The following C4orf51 variants were observed in gnomAD, a reference collection of about 807,000 sequenced individuals.
The protein encoded by C4orf51 is uncharacterized protein C4orf51.
In C4orf51, 25 loss-of-function variants were observed where a neutral mutation model predicts 25.2. The observed-to-expected ratio is 0.99, with a 90% CI of 0.72 to 1.39. The LOEUF (loss-of-function observed/expected upper bound fraction) is 1.39, where lower values mean the gene tolerates loss of function less well. Ranked by LOEUF, C4orf51 falls within the 40% of genes most tolerant of loss-of-function variation. C4orf51 has a pLI of 0.00. For missense variants in C4orf51, 252 were observed against 239.6 expected, an observed-to-expected ratio of 1.05 and a Z score of -0.34; for synonymous variants, 100 against 84.5, an observed-to-expected ratio of 1.18 and a Z score of -1.01.
chr4:145,695,493 G>A (rs1440771293), intron 1 of C4orf51, among the ~76,000 whole-genome samples: 3 of 152,064 alleles, frequency 2.0e-5, no homozygotes, highest in Non-Finnish European at 4.4e-5. Flanking sequence ...TTTGTCAGAT[G>A]CATAGCCTGC....
At chr4:145,701,402 G>A (rs1257370608) in intron 2 of C4orf51, among the ~76,000 whole-genome samples, 5 of 152,076 alleles carry the variant, frequency 3.3e-5, no homozygotes, top group African/African-American at 1.2e-4. Context: ...ACCAGGCCAA[G>A]GAATGCCTGC....
the C4orf51 span, among the ~76,000 whole-genome samples, chr4:145,776,301 T>A: frequency 6.6e-6 from 1 of 151,656 alleles, no homozygotes. Flanking sequence ...TACAAAAAAA[T>A]TTTTAAAAAA....
chr4:145,724,265 A>G (rs1731913231), intron 2 of C4orf51, among the ~76,000 whole-genome samples: 1 of 152,212 alleles, frequency 6.6e-6, no homozygotes, highest in African/African-American at 2.4e-5. Flanking sequence ...TTCACAGACC[A>G]TGGAACAATC....
intron 1 of C4orf51, among the ~76,000 whole-genome samples, chr4:145,681,170 T>C (rs571170674): frequency 6.6e-6 from 1 of 152,270 alleles, no homozygotes; most frequent in Admixed American, 6.5e-5. Context: ...TAAGTGGGGA[T>C]GTGGAAAAAT....
intron 1 of C4orf51, among the ~76,000 whole-genome samples, chr4:145,741,687 T>C (rs1304607206): frequency 1.3e-5 from 2 of 152,068 alleles, no homozygotes; most frequent in Non-Finnish European, 2.9e-5. Context: ...ACTTTCTTTT[T>C]TTCTTTTCTT....
intron 1 of C4orf51, among the ~76,000 whole-genome samples, chr4:145,745,197 A>G (rs1733304160): frequency 6.6e-6 from 1 of 152,158 alleles, no homozygotes; most frequent in Admixed American, 6.6e-5. Context: ...TCACCCAAGC[A>G]TGTATCCTTT....
At chr4:145,712,316 A>G (rs1431672548) in intron 2 of C4orf51, among the ~76,000 whole-genome samples, 2 of 152,256 alleles carry the variant, frequency 1.3e-5, no homozygotes, top group Non-Finnish European at 2.9e-5. Context: ...AAGACAGATG[A>G]AAAGCTCAGC....
At chr4:145,733,239 C>T (rs945711609), downstream of C4orf51, among the ~76,000 whole-genome samples, 8 of 152,094 alleles carry the variant, frequency 5.3e-5, no homozygotes, top group South Asian at 2.1e-4. Flanking sequence ...TCTTCCTCCA[C>T]GGCCCACCTC....
chr4:145,707,230 C>T (rs1351047858), intron 2 of C4orf51, among the ~76,000 whole-genome samples: 2 of 152,192 alleles, frequency 1.3e-5, no homozygotes, highest in East Asian at 1.9e-4. Context: ...TGAGCCACCG[C>T]GCCAGGCCCA....
At chr4:145,774,339 T>C (rs1226218061), downstream of C4orf51, among the ~76,000 whole-genome samples, 1 of 152,162 alleles carries the variant, frequency 6.6e-6, no homozygotes, top group Non-Finnish European at 1.5e-5. Context: ...GGAAACAGTA[T>C]TATGACTACA....
At position 145,765,593 on chromosome 4, in the gene C4orf51, C is replaced by A. The variant is rs1321773871; in HGVS notation, n.167-5395C>A. 1 of 1,614,014 alleles carries A rather than the reference C, an allele frequency of 6.2e-7. No individual in the cohort carries two copies. Among genetic ancestry groups the A allele is most frequent in the East Asian group, 2.2e-5 (1 of 44,866 alleles). ...TGTTCAGTGAGGGCTGGCTCCCAGGCATGACAGAGATGACCAGCAGATTGT... is the reference window on the plus strand; with the variant it reads ...TGTTCAGTGAGGGCTGGCTCCCAGGAATGACAGAGATGACCAGCAGATTGT... On this transcript the variant is annotated intron_variant and non_coding_transcript_variant, in intron 1 of 1. Coordinates refer to the C4orf51 transcript ENST00000510096. This position sits in a 1 kb window ranked among gnomAD's most constrained non-coding sequence, Gnocchi z 4.7.
intron 1 of C4orf51, among the ~76,000 whole-genome samples, chr4:145,746,081 T>A (rs1733355713): frequency 6.6e-6 from 1 of 152,188 alleles, no homozygotes; most frequent in Admixed American, 6.5e-5. Context: ...ATTTTTTTTC[T>A]ATGGAGTTGT....
chr4:145,738,214 C>T (rs919506244), intron 1 of C4orf51, among the ~76,000 whole-genome samples: 2 of 152,170 alleles, frequency 1.3e-5, no homozygotes, highest in African/African-American at 4.8e-5. Context: ...CTTTGGGAGG[C>T]CTAGGCAGGT....
intron 1 of C4orf51, among the ~76,000 whole-genome samples, chr4:145,742,775 C>A (rs1025764924): frequency 1.3e-5 from 2 of 151,944 alleles, no homozygotes; most frequent in Admixed American, 6.6e-5. Flanking sequence ...CCCCTGACCT[C>A]ATGATCTACC....
At chr4:145,758,106 T>TTAA (rs561925450), downstream of C4orf51, 10 of 152,300 alleles carry the variant, frequency 6.6e-5, no homozygotes, top group East Asian at 1.9e-3. Context: ...TTTTTCTTTA[T>TTAA]TAATAACAAT....
At chr4:145,757,553 A>C (rs1490503055), downstream of C4orf51, 1 of 152,216 alleles carries the variant, frequency 6.6e-6, no homozygotes, top group Non-Finnish European at 1.5e-5. Flanking sequence ...TAAAAAACAG[A>C]ACAAAGCAAG....
chr4:145,775,841 T>C (rs1359006766), downstream of C4orf51: 1 of 1,614,196 alleles, frequency 6.2e-7, no homozygotes, highest in Non-Finnish European at 8.5e-7. Context: ...GTGACGGCGC[T>C]GACAATGTCC....
chr4:145,761,191 C>G lies in C4orf51; in HGVS notation n.167-9797C>G. Reference sequence around the variant, plus strand: ...CTTCTTGTCCTCCTCGGGGCAGTCCCCACTCTGGTGCTTCTTGACGTGGCG... The same window carrying G: ...CTTCTTGTCCTCCTCGGGGCAGTCCGCACTCTGGTGCTTCTTGACGTGGCG... On this transcript the variant is annotated intron_variant and non_coding_transcript_variant, in intron 1 of 1. Coordinates refer to the C4orf51 transcript ENST00000510096. The surrounding 1 kb of genome is among the most constrained non-coding windows in gnomAD (Gnocchi z 6.8). 7.8e-7 allele frequency: 1 copy of G among 1,289,832 alleles called. No individual in the cohort carries two copies. Among genetic ancestry groups the G allele is most frequent in the Non-Finnish European group, 1.0e-6 (1 of 988,874 alleles). The allele number at this position is 1,289,832 out of a possible 1,614,324, so 79.9% of individuals were successfully genotyped here. A position where few individuals can be genotyped will look rare whatever the true frequency, so the allele number is the denominator to read the frequency against.
chr4:145,723,520 G>C (rs777061849), intron 2 of C4orf51, among the ~76,000 whole-genome samples: 1 of 151,746 alleles, frequency 6.6e-6, no homozygotes, highest in African/African-American at 2.4e-5. Flanking sequence ...CCAAACTTGA[G>C]CTTCTCTGAT....
Sources: allele counts gnomAD v4.1 joint callset (sites outside exome capture counted in the v4.1 genomes callset), GRCh38; gene constraint gnomAD v4.1.1; non-coding constraint Gnocchi (gnomAD v3.1); transcripts MANE v1.5; gene names NCBI Gene and HGNC (gene_info 2026-07-23, HGNC 2026-07-21).